The following TARS1 variants were observed in gnomAD, a reference collection of about 807,000 sequenced individuals.
The protein encoded by TARS1 is threonine--tRNA ligase 1, cytoplasmic.
A neutral mutation model predicts 97.7 loss-of-function variants in TARS1; 57 were observed. The observed-to-expected ratio is 0.58, with a 90% CI of 0.47 to 0.73. The LOEUF is 0.73. TARS1 is among the 30% of genes least tolerant of loss of function. TARS1 has a pLI of 0.00. For missense variants in TARS1, 806 were observed against 888.3 expected, an observed-to-expected ratio of 0.91 and a Z score of 1.18; for synonymous variants, 312 against 293.7, an observed-to-expected ratio of 1.06 and a Z score of -0.64.
chr5:33,453,220 C>A, intron 3 of TARS1, 69 bp from the exon 4 acceptor site: 3 of 1,385,912 alleles, frequency 2.2e-6, no homozygotes, highest in East Asian at 2.6e-5. Flanking sequence ...TGTTTATTTT[C>A]CTGTTTTCAA....
intron 9 of TARS1, 139 bp downstream of exon 9, chr5:33,457,542 T>C: frequency 1.1e-6 from 1 of 874,716 alleles, no homozygotes; most frequent in Non-Finnish European, 1.8e-6. Context: ...CTATGTCCTG[T>C]ACAAACTATA....
At chr5:33,465,417 T>C (rs1742487738) in intron 17 of TARS1, among the ~76,000 whole-genome samples, 1 of 152,174 alleles carries the variant, frequency 6.6e-6, no homozygotes, top group African/African-American at 2.4e-5. Flanking sequence ...CTAATAACTA[T>C]AGAGCAGACA....
chr5:33,465,486 G>C (rs541979704), intron 17 of TARS1, among the ~76,000 whole-genome samples: 1 of 152,174 alleles, frequency 6.6e-6, no homozygotes, highest in South Asian at 2.1e-4. Context: ...CCCATCTCAC[G>C]TGCACACACA....
intron 1 of TARS1, among the ~76,000 whole-genome samples, chr5:33,443,835 C>CA (rs1479093364): frequency 6.6e-6 from 1 of 152,152 alleles, no homozygotes; most frequent in East Asian, 1.9e-4. Flanking sequence ...TCAGTTACAT[C>CA]ACTTCTGCAG....
intron 3 of TARS1, among the ~76,000 whole-genome samples, chr5:33,449,331 G>GTATATATA: frequency 9.6e-6 from 1 of 104,470 alleles, no homozygotes; most frequent in Admixed American, 8.5e-5. Context: ...ATATATACGC[G>GTATATATA]TATATATACA....
intron 4 of TARS1, among the ~76,000 whole-genome samples, chr5:33,454,552 C>A (rs1382432878): frequency 6.6e-6 from 1 of 152,160 alleles, no homozygotes; most frequent in Non-Finnish European, 1.5e-5. Context: ...CAGCTAAAGG[C>A]CAGATCACAG....
chr5:33,443,554 G>C (rs1027709462), intron 1 of TARS1, among the ~76,000 whole-genome samples: 1 of 148,838 alleles, frequency 6.7e-6, no homozygotes, highest in African/African-American at 2.5e-5. Context: ...GTGCAGTGGC[G>C]CGATCTCTGC....
intron 1 of TARS1, 102 bp downstream of exon 1, chr5:33,441,245 G>A (rs1171174412): frequency 5.6e-6 from 8 of 1,421,086 alleles, no homozygotes; most frequent in Admixed American, 3.5e-5. Context: ...GAAGCGGCCG[G>A]GACCGCGTGG....
intron 2 of TARS1, among the ~76,000 whole-genome samples, chr5:33,447,449 G>A (rs1159708177): frequency 6.6e-6 from 1 of 152,140 alleles, no homozygotes; most frequent in Non-Finnish European, 1.5e-5. Flanking sequence ...ATTTTGCCAT[G>A]TTGGCCAGGG....
upstream of TARS1, chr5:33,440,765 G>T (rs893574201): frequency 1.5e-5 from 7 of 472,912 alleles, no homozygotes; most frequent in Non-Finnish European, 2.6e-5. Context: ...TCTGGAAAGC[G>T]TCCAGACCAA....
chr5:33,440,799 G>A, upstream of TARS1: 3 of 533,834 alleles, frequency 5.6e-6, no homozygotes, highest in Non-Finnish European at 1.0e-5. Flanking sequence ...TAGGCATGTA[G>A]CTTCTGCAGT....
chr5:33,457,652 A>G (rs927442483), intron 9 of TARS1, among the ~76,000 whole-genome samples: 1 of 152,252 alleles, frequency 6.6e-6, no homozygotes, highest in Non-Finnish European at 1.5e-5. Context: ...CTGATGATCT[A>G]CGGTTTTCTG....
At position 33,449,430 on chromosome 5, in the gene TARS1, ATTCTTTTTTTCT is replaced by A. The variant is rs1244979967; in HGVS notation, c.329+710_329+721del. Among the ~76,000 whole-genome samples, 60 of 120,508 alleles carry A rather than the reference ATTCTTTTTTTCT, an allele frequency of 5.0e-4. No homozygotes were observed. In the East Asian group the frequency reaches 0.012, roughly 24 times the overall value. 79.1% of individuals were successfully genotyped at this position (120,508 alleles called of 152,430 possible). A position where few individuals can be genotyped will look rare whatever the true frequency, so the allele number is the denominator to read the frequency against. ...GTCCTGAAAGCGAAAAATAAAAATG[ATTCTTTTTTTCT>A]TTCTTTTTTTTTTTTTTTTTTTTTT... On this transcript the variant is annotated intron_variant, in intron 3 of 18. Transcript: ENST00000265112.
chr5:33,452,752 G>A (rs1579581896), intron 3 of TARS1, among the ~76,000 whole-genome samples: 1 of 149,898 alleles, frequency 6.7e-6, no homozygotes, highest in East Asian at 1.9e-4. Flanking sequence ...AAGAGGAACA[G>A]AGAAGTTATT....
chr5:33,460,647 C>G (rs1385280822), intron 11 of TARS1, among the ~76,000 whole-genome samples: 3 of 152,164 alleles, frequency 2.0e-5, no homozygotes, highest in Non-Finnish European at 4.4e-5. Flanking sequence ...CAAGTTCATT[C>G]TTAATTTTCC....
Position 33,459,810 on chromosome 5 carries a change from A to C in TARS1, c.1199A>C (p.Glu400Ala). The stretch of plus-strand genomic sequence containing the variant: ...TACAGCGAGAACATGTTCTCCTTTG[A>C]GGTGGAGAAGGAGCTGTTTGCCCTG... ...QHYSENMFSF[E>A]VEKELFALKP... The change falls in exon 11 of 19, where the codon GAG (glutamate) becomes GCG (alanine). Residue 400 changes from glutamate to alanine, a missense_variant. Around this residue, in one of 3 missense-constraint regions of TARS1, gnomAD observed 446 missense variants for 511.0 expected, o/e 0.87. Transcript: ENST00000265112. The C allele has an allele frequency of 6.2e-7, 1 of 1,614,148 alleles. No individual in the cohort carries two copies. The highest frequency in any genetic ancestry group is 8.5e-7 in the Non-Finnish European group (1 of 1,180,028).
chr5:33,462,814 A>G (rs1221297210), intron 16 of TARS1, among the ~76,000 whole-genome samples: 2 of 152,216 alleles, frequency 1.3e-5, no homozygotes, highest in African/African-American at 4.8e-5. Flanking sequence ...ACCCGTGTGT[A>G]GAGCCTTCCA....
chr5:33,447,516 G>A (rs942595700), intron 2 of TARS1, among the ~76,000 whole-genome samples: 4 of 152,110 alleles, frequency 2.6e-5, no homozygotes, highest in Non-Finnish European at 4.4e-5. Context: ...CTAAGTGCTG[G>A]GATTACAGGA....
rs1195303647 is a variant in TARS1 at position 33,457,421 on chromosome 5, G to A, written c.984+18G>A. 1 of 1,610,460 alleles carries A rather than the reference G, an allele frequency of 6.2e-7. No individual in the cohort carries two copies. Among genetic ancestry groups the A allele is most frequent in the Non-Finnish European group, 8.5e-7 (1 of 1,178,336 alleles). On this transcript the variant is annotated intron_variant, in intron 9 of 18. Coordinates refer to ENST00000265112, the MANE Select transcript of TARS1 (RefSeq NM_152295.5). ...TTGGCAGGGTATGTTCAAGAACAAT[G>A]ATGTGTCTTGACTGAGTTTTCTTCA...
Sources: allele counts gnomAD v4.1 joint callset (sites outside exome capture counted in the v4.1 genomes callset), GRCh38; gene constraint gnomAD v4.1.1; regional missense constraint gnomAD v4.1.1; transcripts MANE v1.5; gene names NCBI Gene and HGNC (gene_info 2026-07-23, HGNC 2026-07-21).